ZFAT: variants seen among roughly 807,000 people sequenced by gnomAD.
The protein encoded by ZFAT is zinc finger protein ZFAT.
Under a neutral mutation model 117.7 loss-of-function variants are expected in ZFAT, and 64 were observed. That is an observed-to-expected ratio of 0.54 (90% confidence interval 0.44 to 0.67). The LOEUF is 0.67. Ranked by LOEUF, ZFAT falls within the 30% of genes least tolerant of loss-of-function variation. The probability of loss-of-function intolerance (pLI) is 0.00; values close to 1 mark genes in which losing one functional copy is unlikely to be tolerated. For synonymous variants in ZFAT, 679 were observed against 615.0 expected (o/e 1.10, Z -1.54); for missense variants, 1,433 against 1,584.5 (o/e 0.90, Z 1.62).
rs1827001374 is a variant in ZFAT at position 134,597,006 on chromosome 8, AAT to A, written c.2475+3428_2475+3429del. Among the ~76,000 whole-genome samples the A allele has an allele frequency of 2.0e-5, 3 of 149,850 alleles. No homozygotes were observed. The South Asian group carries it at 6.5e-4, about 32-fold the overall frequency. On this transcript the variant is annotated intron_variant, in intron 7 of 15. Transcript: ENST00000377838. ...CGTGGATATACTAAAAAAAAAAAAA[AAT>A]TTGATTTCACACTTTAATGAGCAAA...
At chr8:134,678,370 G>A (rs1055261558) in intron 1 of ZFAT, among the ~76,000 whole-genome samples, 2 of 152,054 alleles carry the variant, frequency 1.3e-5, no homozygotes, top group African/African-American at 4.8e-5. Flanking sequence ...AAATACCTAG[G>A]AATACAACTT....
chr8:134,651,958 A>C (rs1296604892), intron 2 of ZFAT, among the ~76,000 whole-genome samples: 1 of 151,746 alleles, frequency 6.6e-6, no homozygotes, highest in Non-Finnish European at 1.5e-5. Context: ...TAATATTTTC[A>C]ATGTGCTGAA....
At chr8:134,552,944 G>A (rs1390993974) in intron 11 of ZFAT, among the ~76,000 whole-genome samples, 1 of 152,220 alleles carries the variant, frequency 6.6e-6, no homozygotes, top group Non-Finnish European at 1.5e-5. Flanking sequence ...TGCACTTGGA[G>A]CTTCACAGAG....
chr8:134,647,827 T>A (rs1830989272), intron 2 of ZFAT, among the ~76,000 whole-genome samples: 1 of 151,990 alleles, frequency 6.6e-6, no homozygotes, highest in Non-Finnish European at 1.5e-5. Context: ...AAAAACCATA[T>A]CAATGAAAGA....
At chr8:134,795,356 A>C in the ZFAT span, 1 of 152,346 alleles carries the variant, frequency 6.6e-6, no homozygotes, top group Non-Finnish European at 1.5e-5. Context: ...CCAATGATGT[A>C]ATCAATCATG....
At chr8:134,817,704 A>G in the ZFAT span, among the ~76,000 whole-genome samples, 1 of 152,198 alleles carries the variant, frequency 6.6e-6, no homozygotes, top group Non-Finnish European at 1.5e-5. Flanking sequence ...CTTATTCTAA[A>G]ATTCATAAGG....
chr8:134,548,978 A>C (rs1822915614), intron 11 of ZFAT, among the ~76,000 whole-genome samples: 1 of 152,192 alleles, frequency 6.6e-6, no homozygotes. Flanking sequence ...TCACTACTCC[A>C]CGTTAACTGT....
chr8:134,533,602 G>A (rs760863433), intron 11 of ZFAT, among the ~76,000 whole-genome samples: 4 of 152,118 alleles, frequency 2.6e-5, no homozygotes, highest in Admixed American at 6.5e-5. Context: ...GAATTCCTCC[G>A]CAGTATTTGC....
chr8:134,593,843 T>A (rs1400583243), intron 7 of ZFAT, among the ~76,000 whole-genome samples: 1 of 152,238 alleles, frequency 6.6e-6, no homozygotes, highest in Admixed American at 6.5e-5. Flanking sequence ...GCCCCTGTTA[T>A]GTGTCAGGCG....
At position 134,658,612 on chromosome 8, in the gene ZFAT, G is replaced by A. The variant is rs146328683; in HGVS notation, c.20-875C>T. 2.8e-3 allele frequency among the ~76,000 whole-genome samples: 428 copies of A among 152,182 alleles called. 2 individuals are homozygous for A. The highest frequency in any genetic ancestry group is 9.8e-3 in the African/African-American group (407 of 41,510). On this transcript the variant is annotated intron_variant, in intron 1 of 15. Transcript: ENST00000377838. ...ATGTTCATCTCATTATACTAGGCAG[G>A]AAGACATAATAAGGGAAATAAAACA...
chr8:134,488,224 G>A (rs891084676), intron 15 of ZFAT, among the ~76,000 whole-genome samples: 1 of 152,216 alleles, frequency 6.6e-6, no homozygotes, highest in African/African-American at 2.4e-5. Flanking sequence ...GCATTCGGCG[G>A]CCCTTTGCTA....
At chr8:134,784,038 T>C in the ZFAT span, 1 of 152,220 alleles carries the variant, frequency 6.6e-6, no homozygotes, top group Admixed American at 6.5e-5. Flanking sequence ...TAGCATAAAC[T>C]ATCTGGTGTG....
chr8:134,638,860 C>T (rs964244291), intron 2 of ZFAT, among the ~76,000 whole-genome samples: 7 of 152,074 alleles, frequency 4.6e-5, no homozygotes, highest in African/African-American at 1.7e-4. Flanking sequence ...AGCAGAGAGC[C>T]GCCAGCAGCC....
chr8:134,746,880 A>C, the ZFAT span, among the ~76,000 whole-genome samples: 2 of 152,184 alleles, frequency 1.3e-5, no homozygotes, highest in African/African-American at 4.8e-5. Flanking sequence ...GAGCTATAAT[A>C]TGTCTGCGAC....
intron 11 of ZFAT, among the ~76,000 whole-genome samples, chr8:134,563,672 G>A (rs991008745): frequency 3.3e-5 from 5 of 152,172 alleles, no homozygotes; most frequent in African/African-American, 1.2e-4. Flanking sequence ...TAGAATCTTC[G>A]TATTTCAAAG....
chr8:134,495,447 T>C (rs947897885), intron 15 of ZFAT, among the ~76,000 whole-genome samples: 2 of 152,136 alleles, frequency 1.3e-5, no homozygotes, highest in Non-Finnish European at 2.9e-5. Context: ...TTCAATCATA[T>C]GAATTAAGGG....
chr8:134,495,803 G>A (rs748632332), intron 15 of ZFAT, among the ~76,000 whole-genome samples: 3 of 152,150 alleles, frequency 2.0e-5, no homozygotes, highest in Non-Finnish European at 2.9e-5. Context: ...AGTGGTTCAT[G>A]CCTTTGGTCC....
chr8:134,802,937 A>G, the ZFAT span, among the ~76,000 whole-genome samples: 1 of 152,260 alleles, frequency 6.6e-6, no homozygotes, highest in Non-Finnish European at 1.5e-5. Flanking sequence ...ATAAAAACAT[A>G]AAGAAGCCAT....
rs570941027 is a variant in ZFAT at position 134,610,451 on chromosome 8, T to C, written c.634+19A>G. On this transcript the variant is annotated intron_variant, in intron 4 of 15. Transcript: ENST00000377838. Reference sequence around the variant, plus strand: ...TTGCCAAGGGTCTTGCCTTTTCCTTTCCCGCTTGGTGCAGTCACCTGGAAT... The same window carrying C: ...TTGCCAAGGGTCTTGCCTTTTCCTTCCCCGCTTGGTGCAGTCACCTGGAAT... 54 of 1,605,832 alleles carry C rather than the reference T, an allele frequency of 3.4e-5. No homozygotes were observed. The highest frequency in any genetic ancestry group is 3.1e-4 in the African/African-American group (23 of 74,314).
Sources: gnomAD v4.1 joint callset for allele counts (sites outside exome capture counted in the v4.1 genomes callset) on GRCh38, gnomAD v4.1.1 for gene constraint, MANE v1.5 for transcripts, NCBI Gene and HGNC (gene_info 2026-07-23, HGNC 2026-07-21) for gene names.